The following NDST4 variants were observed in gnomAD, a reference collection of about 807,000 sequenced individuals.
The protein encoded by NDST4 is N-heparan sulfate sulfotransferase 4.
In NDST4, 63 loss-of-function variants were observed where a neutral mutation model predicts 100.8. The ratio of observed to expected loss-of-function variants is 0.62; its 90% confidence interval spans 0.51 to 0.77. The LOEUF (loss-of-function observed/expected upper bound fraction) is 0.77, where lower values mean the gene tolerates loss of function less well. Among genes scored for constraint, NDST4 ranks in the 30% least tolerant of loss-of-function variants. The probability of loss-of-function intolerance (pLI) is 0.00; values close to 1 mark genes in which losing one functional copy is unlikely to be tolerated. For synonymous variants in NDST4, 377 were observed against 361.8 expected, an observed-to-expected ratio of 1.04 and a Z score of -0.48; for missense variants, 943 against 1,018.4, an observed-to-expected ratio of 0.93 and a Z score of 1.01.
intron 6 of NDST4, among the ~76,000 whole-genome samples, chr4:114,897,410 C>G (rs1179025651): frequency 6.6e-6 from 1 of 152,050 alleles, no homozygotes; most frequent in Non-Finnish European, 1.5e-5. Context: ...TTTGATAACT[C>G]ATTTCTTTTT....
At chr4:114,858,303 C>T (rs1723842819) in intron 7 of NDST4, among the ~76,000 whole-genome samples, 1 of 152,212 alleles carries the variant, frequency 6.6e-6, no homozygotes, top group East Asian at 1.9e-4. Context: ...CTCTCCTTCT[C>T]TGCCCACGTA....
chr4:115,057,014 A>T (rs1728709442), intron 2 of NDST4, among the ~76,000 whole-genome samples: 2 of 152,098 alleles, frequency 1.3e-5, no homozygotes, highest in African/African-American at 4.8e-5. Flanking sequence ...CTTCTCTTTC[A>T]CACATTTCCC....
At chr4:115,023,277 G>A (rs1202805679) in intron 2 of NDST4, among the ~76,000 whole-genome samples, 8 of 152,058 alleles carry the variant, frequency 5.3e-5, no homozygotes, top group South Asian at 2.1e-4. Flanking sequence ...CTTGAGGTCC[G>A]GAGTTCGAGA....
chr4:114,937,231 G>T lies in NDST4; in HGVS notation c.1407+87C>A, dbSNP rs1238904498. The T allele has an allele frequency of 3.6e-6, 5 of 1,381,994 alleles. No individual in the cohort carries two copies. In the Admixed American group the frequency reaches 5.3e-5, roughly 15 times the overall value. The allele number at this position is 1,381,994 out of a possible 1,614,324, so 85.6% of individuals were successfully genotyped here. ...GATAATCATGTAAAAGAGGTTCGAG[G>T]TTACATCCTTAGAGGAAATGGCCCT... On this transcript the variant is annotated intron_variant, in intron 5 of 13. Transcript: ENST00000264363.
chr4:114,875,332 C>T (rs1294067481), intron 6 of NDST4, among the ~76,000 whole-genome samples: 1 of 152,112 alleles, frequency 6.6e-6, no homozygotes, highest in African/African-American at 2.4e-5. Flanking sequence ...AATATACAAG[C>T]AAGCTTATGG....
chr4:114,886,334 T>C (rs1295763459), intron 6 of NDST4, among the ~76,000 whole-genome samples: 1 of 152,112 alleles, frequency 6.6e-6, no homozygotes, highest in Non-Finnish European at 1.5e-5. Flanking sequence ...TTCTTCATTC[T>C]TGGAATCTAA....
intron 2 of NDST4, among the ~76,000 whole-genome samples, chr4:115,056,721 T>A (rs1177623730): frequency 1.3e-5 from 2 of 152,144 alleles, no homozygotes; most frequent in African/African-American, 2.4e-5. Flanking sequence ...AAAAAATATT[T>A]ATTTTTTACT....
intron 6 of NDST4, among the ~76,000 whole-genome samples, chr4:114,898,146 G>A (rs1481171702): frequency 6.6e-6 from 1 of 152,066 alleles, no homozygotes; most frequent in Admixed American, 6.5e-5. Context: ...GGTCATCTAC[G>A]TTTTTAACCA....
chr4:115,043,981 T>G lies in NDST4; in HGVS notation c.978+32078A>C, dbSNP rs542741598. On this transcript the variant is annotated intron_variant, in intron 2 of 13. Transcript: ENST00000264363. ...TGACCAAATAAACATGCGTTTTAGA[T>G]GCTTTATTACAATGTTGTGTTTGTA... Among the ~76,000 whole-genome samples the G allele has an allele frequency of 3.9e-5, 6 of 152,228 alleles. No homozygotes were observed. The South Asian group carries it at 1.2e-3, about 32-fold the overall frequency.
chr4:114,936,309 T>TGAA lies in NDST4; in HGVS notation c.1408-976_1408-975insTTC. Among the ~76,000 whole-genome samples the TGAA allele has an allele frequency of 1.3e-5, 2 of 152,330 alleles. 1 individual carries two copies. The highest frequency in any genetic ancestry group is 4.1e-4 in the South Asian group (2 of 4,826). ...TAGCTTCTCTTAAATCTGAGGCTTC[T>TGAA]TCAGGCCTTCTGGTACCAATTTGCA... On this transcript the variant is annotated intron_variant, in intron 5 of 13. Coordinates refer to ENST00000264363, the MANE Select transcript of NDST4 (RefSeq NM_022569.3).
chr4:115,014,966 T>A (rs1727643761), intron 2 of NDST4, among the ~76,000 whole-genome samples: 1 of 152,064 alleles, frequency 6.6e-6, no homozygotes, highest in African/African-American at 2.4e-5. Context: ...CTAGGTTAAG[T>A]GAGCAAAGTC....
intron 1 of NDST4, among the ~76,000 whole-genome samples, chr4:115,095,198 C>T (rs994272748): frequency 6.6e-5 from 10 of 152,030 alleles, no homozygotes; most frequent in Non-Finnish European, 8.8e-5. Context: ...CATTTATCCC[C>T]GGCCATATCA....
intron 8 of NDST4, among the ~76,000 whole-genome samples, chr4:114,852,179 G>GA (rs1466390146): frequency 6.6e-6 from 1 of 151,960 alleles, no homozygotes; most frequent in Non-Finnish European, 1.5e-5. Context: ...GAATACCAAG[G>GA]AAAAAATACC....
In NDST4 at chr4:114,980,687, G is replaced by A. The variant is rs144637355; in HGVS notation, c.979-3413C>T. ...AAATAAAATAAAAATAATAAAATGC[G>A]TTTAGAGCTTTGACAATATACATTA... is the stretch of plus-strand genomic sequence containing the variant. On this transcript the variant is annotated intron_variant, in intron 2 of 13. Transcript: ENST00000264363. Among the ~76,000 whole-genome samples the A allele has an allele frequency of 2.0e-3, 298 of 151,830 alleles. 1 individual carries two copies. The highest frequency in any genetic ancestry group is 6.7e-3 in the African/African-American group (277 of 41,462).
intron 2 of NDST4, among the ~76,000 whole-genome samples, chr4:115,075,784 GAAAA>G (rs56658909): frequency 1.1e-5 from 1 of 87,436 alleles, no homozygotes; most frequent in Non-Finnish European, 2.0e-5. Flanking sequence ...AGTCTGTTCA[GAAAA>G]AAAAAAAAAA....
At chr4:114,882,730 T>G (rs1724396753) in intron 6 of NDST4, among the ~76,000 whole-genome samples, 1 of 151,936 alleles carries the variant, frequency 6.6e-6, no homozygotes, top group Non-Finnish European at 1.5e-5. Flanking sequence ...TATTCTAAAA[T>G]TAATGACATA....
At chr4:114,933,456 T>TTTTTTTTTTTTA (rs1337610741) in intron 6 of NDST4, among the ~76,000 whole-genome samples, 11 of 133,334 alleles carry the variant, frequency 8.2e-5, no homozygotes, top group South Asian at 2.4e-4. Context: ...TTTTTTTTTG[T>TTTTTTTTTTTTA]GTGTAAAAAC....
Position 114,833,533 on chromosome 4 carries a change from A to G in NDST4, c.2396+73T>C, listed in dbSNP as rs570739972. 12 of 935,110 alleles carry G rather than the reference A, an allele frequency of 1.3e-5. No homozygotes were observed. In the African/African-American group the frequency reaches 1.5e-4, roughly 11 times the overall value. The allele number at this position is 935,110 out of a possible 1,614,324, so 57.9% of individuals were successfully genotyped here. ...AATTCTAGCTAGTATTAATGATGTT[A>G]TATACACACCTACCAGTGATAATTT... On this transcript the variant is annotated intron_variant, in intron 12 of 13. Coordinates refer to ENST00000264363, the MANE Select transcript of NDST4 (RefSeq NM_022569.3).
intron 2 of NDST4, among the ~76,000 whole-genome samples, chr4:115,033,125 A>G (rs10006890): frequency 1.4e-3 from 132 of 95,162 alleles, no homozygotes; most frequent in African/African-American, 7.3e-3. Flanking sequence ...AATTATATAT[A>G]TATGTGTATA....
Sources: allele counts gnomAD v4.1 joint callset (sites outside exome capture counted in the v4.1 genomes callset), GRCh38; gene constraint gnomAD v4.1.1; transcripts MANE v1.5; gene names NCBI Gene and HGNC (gene_info 2026-07-23, HGNC 2026-07-21).